The following SCAMP1 variants were observed in gnomAD, a reference collection of about 807,000 sequenced individuals.
SCAMP1 encodes secretory carrier membrane protein 1.
In SCAMP1, 15 loss-of-function variants were observed where a neutral mutation model predicts 41.8. The observed-to-expected ratio is 0.36, with a 90% CI of 0.24 to 0.55. SCAMP1 has a LOEUF of 0.55. SCAMP1 is among the 20% of genes least tolerant of loss of function. SCAMP1 has a pLI of 0.86. For missense variants in SCAMP1, 341 were observed against 412.6 expected (o/e 0.83, Z 1.50); for synonymous variants, 135 against 136.8 (o/e 0.99, Z 0.09).
chr5:78,375,213 T>C (rs1751037448), intron 1 of SCAMP1, among the ~76,000 whole-genome samples: 1 of 152,128 alleles, frequency 6.6e-6, no homozygotes, highest in Admixed American at 6.6e-5. Flanking sequence ...AGTATTTTAA[T>C]TACATTTTAT....
Position 78,449,917 on chromosome 5 carries a change from T to TTTC in SCAMP1, c.633-14_633-13insCTT. The TTTC allele has an allele frequency of 2.4e-6, 2 of 822,700 alleles. No homozygotes were observed. Among genetic ancestry groups the TTTC allele is most frequent in the Non-Finnish European group, 3.4e-6 (2 of 584,822 alleles). 51.0% of individuals were successfully genotyped at this position (822,700 alleles called of 1,614,324 possible). A position where few individuals can be genotyped will look rare whatever the true frequency, so the allele number is the denominator to read the frequency against. ...CCTAACCCCCTTTTTTCTTTCTTTC[T>TTTC]TTTTTTTTTTCAAAGGAGTGACAGT... is the stretch of plus-strand genomic sequence containing the variant. On this transcript the variant is annotated splice_polypyrimidine_tract_variant and intron_variant, in intron 6 of 8. Coordinates refer to ENST00000621999, the MANE Select transcript of SCAMP1 (RefSeq NM_004866.6).
chr5:78,421,713 G>A, intron 5 of SCAMP1, 88 bp from the exon 6 acceptor site: 1 of 1,129,152 alleles, frequency 8.9e-7, no homozygotes, highest in Non-Finnish European at 1.3e-6. Flanking sequence ...CTCTTAGGAA[G>A]TATTTTTTTA....
In SCAMP1 at chr5:78,422,842, T is replaced by TGAATAACC. The variant is rs1580682600; in HGVS notation, c.632+883_632+890dup. Reference sequence around the variant, plus strand: ...TCATTTTTATTTGAGTAAATTCTTGTGAATAACCATTTCAACTCTCGTGAA... The same window carrying TGAATAACC: ...TCATTTTTATTTGAGTAAATTCTTGTGAATAACCGAATAACCATTTCAACTCTCGTGAA... On this transcript the variant is annotated intron_variant, in intron 6 of 8. Coordinates refer to ENST00000621999, the MANE Select transcript of SCAMP1 (RefSeq NM_004866.6). Among the ~76,000 whole-genome samples the TGAATAACC allele has an allele frequency of 2.0e-5, 3 of 152,220 alleles. No individual in the cohort carries two copies. In the East Asian group the frequency reaches 5.8e-4, roughly 29 times the overall value.
chr5:78,454,595 T>C (rs1470699716), intron 7 of SCAMP1, among the ~76,000 whole-genome samples: 3 of 152,174 alleles, frequency 2.0e-5, no homozygotes, highest in Non-Finnish European at 4.4e-5. Flanking sequence ...CAGTATTTTA[T>C]TGAGGATTTT....
chr5:78,455,108 A>G (rs1171963768), intron 7 of SCAMP1, among the ~76,000 whole-genome samples: 1 of 149,914 alleles, frequency 6.7e-6, no homozygotes, highest in Non-Finnish European at 1.5e-5. Context: ...TGGTCTATCA[A>G]TTTTGTTGAT....
intron 2 of SCAMP1, among the ~76,000 whole-genome samples, chr5:78,396,384 C>G (rs977558356): frequency 6.6e-5 from 10 of 152,132 alleles, no homozygotes; most frequent in African/African-American, 2.4e-4. Flanking sequence ...ACCTTCCTTT[C>G]CATCTTGCTG....
chr5:78,459,437 T>G, intron 8 of SCAMP1, 75 bp downstream of exon 8: 1 of 771,590 alleles, frequency 1.3e-6, no homozygotes. Context: ...TTGCTATAAT[T>G]TGGTGTAACC....
intron 8 of SCAMP1, among the ~76,000 whole-genome samples, chr5:78,472,689 T>C (rs1753914164): frequency 6.6e-6 from 1 of 152,142 alleles, no homozygotes; most frequent in Non-Finnish European, 1.5e-5. Flanking sequence ...TCTATATAGA[T>C]ACAAACTATT....
chr5:78,474,491 C>CT (rs1163369654), intron 8 of SCAMP1, among the ~76,000 whole-genome samples: 1 of 152,192 alleles, frequency 6.6e-6, no homozygotes, highest in Non-Finnish European at 1.5e-5. Flanking sequence ...TCTCTTTTCT[C>CT]TGTCTTCTTG....
At chr5:78,432,089 C>T (rs1328743462) in intron 6 of SCAMP1, among the ~76,000 whole-genome samples, 1 of 152,028 alleles carries the variant, frequency 6.6e-6, no homozygotes, top group Non-Finnish European at 1.5e-5. Flanking sequence ...TATTCATTAA[C>T]CATCTCTACC....
chr5:78,371,306 G>A (rs1750938368), intron 1 of SCAMP1, among the ~76,000 whole-genome samples: 1 of 152,084 alleles, frequency 6.6e-6, no homozygotes, highest in Non-Finnish European at 1.5e-5. Context: ...TTGAATTTAG[G>A]TCTATGATTC....
intron 2 of SCAMP1, among the ~76,000 whole-genome samples, chr5:78,405,007 T>TG (rs1203037912): frequency 2.6e-5 from 4 of 152,260 alleles, no homozygotes; most frequent in African/African-American, 7.2e-5. Context: ...TAATGGTTCT[T>TG]GCAGTGGTTT....
In SCAMP1 at chr5:78,480,188, T is replaced by C. The variant is rs1441584987; in HGVS notation, c.*4520T>C. The stretch of plus-strand genomic sequence containing the variant: ...ATTTATTTTTCAGTTCATATCTTTC[T>C]GGGCTTGACATGGCTGATGGTGTAG... On this transcript the variant is annotated 3_prime_UTR_variant, in exon 9 of 9. Transcript: ENST00000621999. Among the ~76,000 whole-genome samples, 3 of 152,248 alleles carry C rather than the reference T, an allele frequency of 2.0e-5. No individual in the cohort carries two copies. The highest frequency in any genetic ancestry group is 4.4e-5 in the Non-Finnish European group (3 of 68,046).
At chr5:78,387,135 C>T (rs79259300) in intron 1 of SCAMP1, among the ~76,000 whole-genome samples, 3,030 of 152,092 alleles carry the variant, frequency 0.02, 114 homozygotes, top group African/African-American at 0.068. Flanking sequence ...TTGTTGGAGA[C>T]TTTTTTCATT....
At chr5:78,364,233 C>T (rs759013969) in intron 1 of SCAMP1, among the ~76,000 whole-genome samples, 10 of 152,106 alleles carry the variant, frequency 6.6e-5, no homozygotes, top group Non-Finnish European at 1.2e-4. Context: ...TAGGCTCTTA[C>T]AAGTCAGCAT....
intron 6 of SCAMP1, 85 bp downstream of exon 6, chr5:78,422,045 A>G: frequency 8.5e-7 from 1 of 1,173,366 alleles, no homozygotes; most frequent in Non-Finnish European, 1.2e-6. Context: ...AAATTGATGC[A>G]TTTTCATTAA....
intron 6 of SCAMP1, among the ~76,000 whole-genome samples, chr5:78,445,830 T>C (rs1753039409): frequency 6.6e-6 from 1 of 152,234 alleles, no homozygotes; most frequent in South Asian, 2.1e-4. Context: ...TGCAGTAATT[T>C]GGACAGCTCA....
chr5:78,454,248 C>T (rs1179114691), intron 7 of SCAMP1, among the ~76,000 whole-genome samples: 1 of 152,178 alleles, frequency 6.6e-6, no homozygotes, highest in Admixed American at 6.5e-5. Context: ...AGAGGGCATC[C>T]CTGTCTTGTG....
chr5:78,403,726 G>A (rs368517095), intron 2 of SCAMP1, among the ~76,000 whole-genome samples: 83 of 152,248 alleles, frequency 5.5e-4, no homozygotes, highest in African/African-American at 2.0e-3. Flanking sequence ...AGCGTTTTGG[G>A]AGGCTGAGGC....
Sources: allele counts gnomAD v4.1 joint callset (sites outside exome capture counted in the v4.1 genomes callset), GRCh38; gene constraint gnomAD v4.1.1; transcripts MANE v1.5; gene names NCBI Gene and HGNC (gene_info 2026-07-23, HGNC 2026-07-21).